EEIG1: variants seen among roughly 807,000 people sequenced by gnomAD.
EEIG1 encodes the protein early estrogen-induced gene 1 protein.
chr9:127,969,922 G>C, the EEIG1 span, among the ~76,000 whole-genome samples: 1 of 152,050 alleles, frequency 6.6e-6, no homozygotes, highest in African/African-American at 2.4e-5. Flanking sequence ...GGGGCATCTC[G>C]AGTCTTGTTT....
At chr9:127,967,895 T>C in the EEIG1 span, among the ~76,000 whole-genome samples, 2 of 151,652 alleles carry the variant, frequency 1.3e-5, no homozygotes, top group Non-Finnish European at 1.5e-5. Flanking sequence ...CTGAGGCAGA[T>C]GGTCCAGCAG....
chr9:127,950,557 C>T, the EEIG1 span: 55 of 1,612,062 alleles, frequency 3.4e-5, no homozygotes, highest in African/African-American at 5.2e-4. Context: ...GTGAGAGGAG[C>T]GTGTGGGAGG....
chr9:127,944,711 G>T, the EEIG1 span: 4 of 1,612,272 alleles, frequency 2.5e-6, no homozygotes, highest in East Asian at 8.9e-5. Context: ...GAGGATGGAG[G>T]CTGAGCGCGG....
At chr9:127,944,918 G>A in the EEIG1 span, 43 of 1,607,288 alleles carry the variant, frequency 2.7e-5, no homozygotes, top group Non-Finnish European at 3.3e-5. Flanking sequence ...GTCGTGGGGG[G>A]ACAAGTCACA....
the EEIG1 span, chr9:127,953,774 C>T: frequency 6.2e-7 from 1 of 1,613,958 alleles, no homozygotes; most frequent in South Asian, 1.1e-5. Context: ...ATAGCCCAGC[C>T]CAGCAGCCCC....
At chr9:127,963,876 C>T in the EEIG1 span, 2 of 152,314 alleles carry the variant, frequency 1.3e-5, no homozygotes, top group African/African-American at 4.8e-5. Context: ...CTGCAGTCAC[C>T]GCCAGTCTCC....
At chr9:127,976,985 T>G in the EEIG1 span, among the ~76,000 whole-genome samples, 1 of 148,276 alleles carries the variant, frequency 6.7e-6, no homozygotes, top group Non-Finnish European at 1.5e-5. The surrounding 1 kb of genome is among the most constrained non-coding windows in gnomAD (Gnocchi z 4.1). Flanking sequence ...GTTCCCAGGC[T>G]GCAGTCCAGG....
At chr9:127,940,703 A>C in the EEIG1 span, 274 of 152,138 alleles carry the variant, frequency 1.8e-3, no homozygotes, top group African/African-American at 6.4e-3. Flanking sequence ...AACACAGCCC[A>C]CTCAAGCAGT....
At chr9:127,980,053 C>T in the EEIG1 span, 11 of 1,613,752 alleles carry the variant, frequency 6.8e-6, no homozygotes, top group East Asian at 2.2e-5. Flanking sequence ...AAGAGGACCC[C>T]GTTCACGAAG....
chr9:127,965,901 A>G, the EEIG1 span, among the ~76,000 whole-genome samples: 2 of 152,198 alleles, frequency 1.3e-5, no homozygotes, highest in Non-Finnish European at 2.9e-5. Context: ...TCACAGTCCT[A>G]GCATGGCCAG....
At chr9:127,980,845 G>A in the EEIG1 span, among the ~76,000 whole-genome samples, 1 of 149,254 alleles carries the variant, frequency 6.7e-6, no homozygotes, top group African/African-American at 2.4e-5. Context: ...TGGGACCCGC[G>A]CCGCGGGCCC....
At chr9:127,955,508 G>A in the EEIG1 span, among the ~76,000 whole-genome samples, 1 of 152,244 alleles carries the variant, frequency 6.6e-6, no homozygotes. Flanking sequence ...ACCCTGCTCT[G>A]CCCCAAGGCA....
At chr9:127,954,880 TGG>T in the EEIG1 span, among the ~76,000 whole-genome samples, 3 of 152,144 alleles carry the variant, frequency 2.0e-5, no homozygotes, top group Non-Finnish European at 4.4e-5. Context: ...ACCCCTCTAC[TGG>T]AGAGATGCTT....
At chr9:127,979,145 C>T in the EEIG1 span, among the ~76,000 whole-genome samples, 1 of 152,228 alleles carries the variant, frequency 6.6e-6, no homozygotes, top group African/African-American at 2.4e-5. Flanking sequence ...GCCACAGCAT[C>T]CAGCCTGCCC....
the EEIG1 span, chr9:127,945,811 T>C: frequency 1.8e-5 from 22 of 1,215,822 alleles, no homozygotes; most frequent in African/African-American, 2.1e-4. The surrounding 1 kb of genome is among the most constrained non-coding windows in gnomAD (Gnocchi z 6.5). Flanking sequence ...TGCTGCTCAC[T>C]GTCGCCCTTC....
the EEIG1 span, chr9:127,945,719 G>A: frequency 1.6e-4 from 255 of 1,585,496 alleles, no homozygotes; most frequent in Non-Finnish European, 2.1e-4. This position sits in a 1 kb window ranked among gnomAD's most constrained non-coding sequence, Gnocchi z 6.5. Flanking sequence ...CCTCCTCAGG[G>A]CTGGACAGGT....
At chr9:127,973,101 G>C in the EEIG1 span, among the ~76,000 whole-genome samples, 1 of 152,122 alleles carries the variant, frequency 6.6e-6, no homozygotes. This position sits in a 1 kb window ranked among gnomAD's most constrained non-coding sequence, Gnocchi z 4.2. Flanking sequence ...CCTTCCTGGG[G>C]CTCCCTGGTA....
At chr9:127,961,802 G>A in the EEIG1 span, among the ~76,000 whole-genome samples, 617 of 148,912 alleles carry the variant, frequency 4.1e-3, 33 homozygotes, top group East Asian at 0.12. Context: ...ATCCGGGCAC[G>A]AGGAACAGCA....
At chr9:127,953,111 C>G in the EEIG1 span, among the ~76,000 whole-genome samples, 2 of 152,012 alleles carry the variant, frequency 1.3e-5, no homozygotes, top group Non-Finnish European at 2.9e-5. Context: ...GCCTGGGCAA[C>G]AGAGCAAGAC....
Sources: allele counts gnomAD v4.1 joint callset (sites outside exome capture counted in the v4.1 genomes callset), GRCh38; gene constraint gnomAD v4.1.1; non-coding constraint Gnocchi (gnomAD v3.1); transcripts MANE v1.5; gene names NCBI Gene and HGNC (gene_info 2026-07-23, HGNC 2026-07-21).